STK24: variants seen among roughly 807,000 people sequenced by gnomAD.
STK24 encodes serine/threonine kinase 24.
In STK24, 21 loss-of-function variants were observed where a neutral mutation model predicts 55.6. That is an observed-to-expected ratio of 0.38 (90% CI 0.27 to 0.54). STK24 has a LOEUF of 0.54. Among genes scored for constraint, STK24 ranks in the 20% least tolerant of loss-of-function variants. The probability of loss-of-function intolerance (pLI) is 0.79; values close to 1 mark genes in which losing one functional copy is unlikely to be tolerated. For missense variants in STK24, 383 were observed against 538.4 expected (o/e 0.71, Z 2.86); for synonymous variants, 200 against 215.2 (o/e 0.93, Z 0.62).
chr13:98,541,035 C>G (rs888399956), intron 1 of STK24, among the ~76,000 whole-genome samples: 5 of 152,186 alleles, frequency 3.3e-5, no homozygotes, highest in Admixed American at 1.3e-4. Context: ...TCTACCCCAG[C>G]ACCTGGACGC....
intron 2 of STK24, among the ~76,000 whole-genome samples, chr13:98,514,373 T>C (rs1385145963): frequency 1.7e-4 from 26 of 152,314 alleles, no homozygotes; most frequent in South Asian, 2.1e-4. Context: ...GAAAAAACAA[T>C]AGAAGTCCCA....
intron 2 of STK24, among the ~76,000 whole-genome samples, chr13:98,501,394 CGA>C (rs1895457237): frequency 6.6e-6 from 1 of 151,964 alleles, no homozygotes; most frequent in East Asian, 1.9e-4. Flanking sequence ...GCAGGGGCAG[CGA>C]GAGAGACTCC....
At chr13:98,536,330 A>T (rs1439184023) in intron 1 of STK24, among the ~76,000 whole-genome samples, 1 of 152,066 alleles carries the variant, frequency 6.6e-6, no homozygotes, top group Non-Finnish European at 1.5e-5. Context: ...TTGGGGACTA[A>T]ATTGTCTCTG....
chr13:98,508,075 G>A (rs1338243003), intron 2 of STK24, among the ~76,000 whole-genome samples: 1 of 152,090 alleles, frequency 6.6e-6, no homozygotes, highest in African/African-American at 2.4e-5. Flanking sequence ...CTGCAATGAC[G>A]GTCCCAGCTA....
chr13:98,534,590 C>T (rs1896661943), intron 1 of STK24, among the ~76,000 whole-genome samples: 1 of 152,130 alleles, frequency 6.6e-6, no homozygotes. Context: ...CAAAACTGCT[C>T]CTGGGGATAA....
chr13:98,498,076 C>A (rs945110712), intron 2 of STK24, among the ~76,000 whole-genome samples: 1 of 152,226 alleles, frequency 6.6e-6, no homozygotes, highest in Admixed American at 6.5e-5. Flanking sequence ...GCTCTCTCAT[C>A]TGATTGGATC....
At chr13:98,470,772 G>A (rs778747141) in intron 5 of STK24, among the ~76,000 whole-genome samples, 3 of 152,128 alleles carry the variant, frequency 2.0e-5, no homozygotes, top group Non-Finnish European at 4.4e-5. Context: ...AATAAAGTAC[G>A]CTAGCTACAC....
intron 1 of STK24, among the ~76,000 whole-genome samples, chr13:98,550,113 T>G (rs1897124051): frequency 6.6e-6 from 1 of 152,246 alleles, no homozygotes; most frequent in Non-Finnish European, 1.5e-5. Context: ...GGCTTCCCTT[T>G]GATGACTCAA....
Position 98,568,721 on chromosome 13 carries a change from AGC to A in STK24, c.42+8022_42+8023del, listed in dbSNP as rs773114810. Among the ~76,000 whole-genome samples the A allele has an allele frequency of 1.3e-3, 205 of 152,064 alleles. 1 individual carries two copies. The highest frequency in any genetic ancestry group is 1.6e-3 in the Admixed American group (25 of 15,268). ...ATCTCTACTAAAAAATACAAAAATT[AGC>A]CAGGCATGGTGGTGGGCGCCTGTAA... On this transcript the variant is annotated intron_variant, in intron 1 of 10. Transcript: ENST00000539966.
intron 1 of STK24, chr13:98,521,762 C>T: frequency 2.6e-6 from 2 of 780,702 alleles, no homozygotes; most frequent in South Asian, 2.7e-5. Flanking sequence ...TGCTTTCATG[C>T]CCTCTCCCTT....
At position 98,448,708 on chromosome 13, in the gene STK24, C is replaced by T. The variant is rs1313686101; in HGVS notation, c.*4465G>A. 1 of 165,930 alleles carries T rather than the reference C, an allele frequency of 6.0e-6. No individual in the cohort carries two copies. The highest frequency in any genetic ancestry group is 2.4e-5 in the African/African-American group (1 of 41,394). 10.3% of individuals were successfully genotyped at this position (165,930 alleles called of 1,614,324 possible). On this transcript the variant is annotated 3_prime_UTR_variant, in exon 11 of 11. Coordinates refer to ENST00000539966, the MANE Select transcript of STK24 (RefSeq NM_001032296.4). ...TTCTTTTATTATTTTCACCTATTGG[C>T]TGCTGCATTTTACGAAGTGGACTTC...
chr13:98,538,984 G>A (rs563708559), intron 1 of STK24, among the ~76,000 whole-genome samples: 1 of 152,190 alleles, frequency 6.6e-6, no homozygotes, highest in Non-Finnish European at 1.5e-5. Context: ...GGGCTGGTGG[G>A]GAGGGGGACA....
At chr13:98,463,573 C>G in intron 7 of STK24, 118 bp downstream of exon 7, 1 of 1,225,912 alleles carries the variant, frequency 8.2e-7, no homozygotes, top group Non-Finnish European at 1.1e-6. Context: ...TTGCCACCAA[C>G]CTGGATTGTC....
Position 98,538,080 on chromosome 13 carries a change from A to T in STK24, c.43-18607T>A, listed in dbSNP as rs545102024. ...AACAGACACCTGCTTTCTGGTGCCC[A>T]TCAATGTCACTAATCCACAGGGATG... On this transcript the variant is annotated intron_variant, in intron 1 of 10. Coordinates refer to ENST00000539966, the MANE Select transcript of STK24 (RefSeq NM_001032296.4). Among the ~76,000 whole-genome samples the T allele has an allele frequency of 5.3e-5, 8 of 152,254 alleles. No individual in the cohort carries two copies. The South Asian group carries it at 1.5e-3, about 28-fold the overall frequency.
chr13:98,503,334 T>C (rs937809491), intron 2 of STK24, among the ~76,000 whole-genome samples: 14 of 152,104 alleles, frequency 9.2e-5, no homozygotes, highest in Admixed American at 7.2e-4. Context: ...ATTTCCCAAA[T>C]AGAAGATGAG....
intron 2 of STK24, among the ~76,000 whole-genome samples, chr13:98,494,350 C>G (rs1429236546): frequency 2.2e-5 from 3 of 137,848 alleles, no homozygotes; most frequent in Non-Finnish European, 4.6e-5. Flanking sequence ...GGAGGCAGAG[C>G]TTGCAGTGAG....
chr13:98,472,194 G>A (rs749743682), intron 5 of STK24, among the ~76,000 whole-genome samples: 6 of 152,212 alleles, frequency 3.9e-5, no homozygotes, highest in Admixed American at 6.5e-5. Flanking sequence ...AGGCCCCAGC[G>A]TGAAACCCCA....
In STK24 at chr13:98,510,462, A is replaced by G. The variant is rs1895844404; in HGVS notation, c.273+8781T>C. ...CCAAAAGAAAGGAAAACATATCCAC[A>G]CAAAAACTTGTACACGAATGTTCAT... On this transcript the variant is annotated intron_variant, in intron 2 of 10. Coordinates refer to ENST00000539966, the MANE Select transcript of STK24 (RefSeq NM_001032296.4). 3.3e-5 allele frequency among the ~76,000 whole-genome samples: 5 copies of G among 152,344 alleles called. No individual in the cohort carries two copies. The South Asian group carries it at 1.0e-3, about 32-fold the overall frequency.
intron 5 of STK24, 62 bp from the exon 6 acceptor site, chr13:98,466,623 T>C (rs2139267543): frequency 1.9e-6 from 3 of 1,540,302 alleles, no homozygotes; most frequent in East Asian, 2.3e-5. Flanking sequence ...ACACAGTATT[T>C]AGGGGGAAAA....
Sources: allele counts gnomAD v4.1 joint callset (sites outside exome capture counted in the v4.1 genomes callset), GRCh38; gene constraint gnomAD v4.1.1; transcripts MANE v1.5; gene names NCBI Gene and HGNC (gene_info 2026-07-23, HGNC 2026-07-21).